PTPRD: variants seen among roughly 807,000 people sequenced by gnomAD.
PTPRD encodes the protein receptor-type tyrosine-protein phosphatase delta.
A neutral mutation model predicts 214.5 loss-of-function variants in PTPRD; 34 were observed. The ratio of observed to expected loss-of-function variants is 0.16; its 90% CI spans 0.12 to 0.21. PTPRD has a LOEUF of 0.21. Ranked by LOEUF, PTPRD falls within the 10% of genes least tolerant of loss-of-function variation. The pLI is 1.00. For synonymous variants in PTPRD, 1,128 were observed against 845.7 expected, an observed-to-expected ratio of 1.33 and a Z score of -5.79; for missense variants, 2,545 against 2,398.7, an observed-to-expected ratio of 1.06 and a Z score of -1.27.
chr9:8,713,910 C>A (rs140015377), intron 12 of PTPRD: 11,459 of 760,606 alleles, frequency 0.015, 121 homozygotes, highest in Non-Finnish European at 0.019. Flanking sequence ...AAAAAAAAAT[C>A]TTTATCCACT....
At chr9:9,275,517 C>G (rs1233383965) in intron 9 of PTPRD, among the ~76,000 whole-genome samples, 1 of 150,946 alleles carries the variant, frequency 6.6e-6, no homozygotes, top group Non-Finnish European at 1.5e-5. Context: ...CCATGTCTGT[C>G]TGTTCTGCAA....
Position 8,975,462 on chromosome 9 carries a change from G to A in PTPRD, c.-104+43235C>T, listed in dbSNP as rs7018708. On this transcript the variant is annotated intron_variant, in intron 11 of 45. Transcript: ENST00000381196. ...TCTCTATGTACATATAATTACAAAA[G>A]GAAGATCTACCTTGTCTATTTAATT... Among the ~76,000 whole-genome samples the A allele has an allele frequency of 7.3e-3, 1,109 of 151,926 alleles. 12 individuals are homozygous for A. Among genetic ancestry groups the A allele is most frequent in the African/African-American group, 0.026 (1,081 of 41,470 alleles).
intron 12 of PTPRD, among the ~76,000 whole-genome samples, chr9:8,695,515 TA>T (rs2097893624): frequency 6.6e-6 from 1 of 151,330 alleles, no homozygotes; most frequent in Non-Finnish European, 1.5e-5. Context: ...TGTCTGTCAA[TA>T]GTCTGTTTAT....
chr9:10,017,742 C>T (rs1431591201), intron 4 of PTPRD, among the ~76,000 whole-genome samples: 2 of 152,072 alleles, frequency 1.3e-5, no homozygotes, highest in East Asian at 1.9e-4. Flanking sequence ...TTCTGTATTA[C>T]TAAACCAATG....
chr9:8,351,745 A>T (rs1365201401), intron 39 of PTPRD, among the ~76,000 whole-genome samples: 52 of 36,144 alleles, frequency 1.4e-3, no homozygotes, highest in African/African-American at 1.7e-3. Flanking sequence ...CAAAGAGTAA[A>T]AAAAAAAAAA....
intron 3 of PTPRD, among the ~76,000 whole-genome samples, chr9:10,118,741 C>A (rs2098750925): frequency 6.6e-6 from 1 of 151,534 alleles, no homozygotes; most frequent in Admixed American, 6.6e-5. Flanking sequence ...TCGTTGGTAT[C>A]TCAACACTAC....
At chr9:8,676,625 G>A (rs1408772950) in intron 12 of PTPRD, among the ~76,000 whole-genome samples, 3 of 152,036 alleles carry the variant, frequency 2.0e-5, no homozygotes, top group Non-Finnish European at 1.5e-5. Flanking sequence ...CCAGGCTGGA[G>A]TGCAATGGCG....
chr9:8,349,442 G>A (rs2074813979), intron 39 of PTPRD, among the ~76,000 whole-genome samples: 1 of 152,054 alleles, frequency 6.6e-6, no homozygotes, highest in Non-Finnish European at 1.5e-5. Flanking sequence ...ATGAAGGATT[G>A]TACTTCTAAA....
At chr9:9,066,618 G>T (rs890468211) in intron 10 of PTPRD, among the ~76,000 whole-genome samples, 3 of 152,208 alleles carry the variant, frequency 2.0e-5, no homozygotes, top group Non-Finnish European at 2.9e-5. Flanking sequence ...GATTATTCTG[G>T]GTTCTTGAGT....
At chr9:9,147,116 C>A (rs551003717) in intron 10 of PTPRD, among the ~76,000 whole-genome samples, 1 of 152,044 alleles carries the variant, frequency 6.6e-6, no homozygotes, top group Non-Finnish European at 1.5e-5. Flanking sequence ...AGGAATGATT[C>A]TTATTTTATA....
intron 6 of PTPRD, among the ~76,000 whole-genome samples, chr9:9,742,916 C>A (rs1338327202): frequency 6.6e-6 from 1 of 152,106 alleles, no homozygotes; most frequent in African/African-American, 2.4e-5. Flanking sequence ...ATAGAGAGAC[C>A]TAAAATCAAT....
intron 3 of PTPRD, among the ~76,000 whole-genome samples, chr9:10,131,975 G>A (rs2098892903): frequency 6.6e-6 from 1 of 152,012 alleles, no homozygotes; most frequent in Non-Finnish European, 1.5e-5. Context: ...CTGTATTCTG[G>A]GTTAGCCTCT....
chr9:10,393,940 C>G (rs912766679), intron 2 of PTPRD, among the ~76,000 whole-genome samples: 1 of 147,574 alleles, frequency 6.8e-6, no homozygotes, highest in East Asian at 2.0e-4. Context: ...TTGCTATATG[C>G]TAGAAAATGC....
At chr9:8,790,451 T>A (rs1485139460) in intron 11 of PTPRD, among the ~76,000 whole-genome samples, 1 of 152,256 alleles carries the variant, frequency 6.6e-6, no homozygotes, top group East Asian at 1.9e-4. Flanking sequence ...GGAGTCTCAC[T>A]CTGTTGCCCA....
chr9:8,393,461 G>A (rs1434941776), intron 36 of PTPRD, among the ~76,000 whole-genome samples: 1 of 152,048 alleles, frequency 6.6e-6, no homozygotes, highest in South Asian at 2.1e-4. Context: ...GTTGGCGAAG[G>A]AGCTATTAAA....
chr9:8,819,971 C>G (rs936184635), intron 11 of PTPRD, among the ~76,000 whole-genome samples: 25 of 151,990 alleles, frequency 1.6e-4, no homozygotes, highest in African/African-American at 5.3e-4. Context: ...GTTGAGTGCC[C>G]TTGTTTCAAC....
At chr9:10,364,004 T>TTTTTTTTTTTTTTTTTTTTTTG (rs2097456807) in intron 2 of PTPRD, among the ~76,000 whole-genome samples, 1 of 130,074 alleles carries the variant, frequency 7.7e-6, no homozygotes, top group Non-Finnish European at 1.6e-5. Context: ...TTTTTTTTTT[T>TTTTTTTTTTTTTTTTTTTTTTG]TTTTTTTTTT....
intron 11 of PTPRD, among the ~76,000 whole-genome samples, chr9:8,877,760 C>A (rs147615733): frequency 6.6e-6 from 1 of 152,278 alleles, no homozygotes; most frequent in Admixed American, 6.5e-5. Context: ...GGCCAATAGA[C>A]AAAGTTACCA....
chr9:10,125,318 G>A (rs182408396), intron 3 of PTPRD, among the ~76,000 whole-genome samples: 73 of 151,824 alleles, frequency 4.8e-4, no homozygotes, highest in Non-Finnish European at 7.9e-4. Flanking sequence ...TAAAGTGGTT[G>A]TGAGGAAGAA....
Sources: allele counts gnomAD v4.1 joint callset (sites outside exome capture counted in the v4.1 genomes callset), GRCh38; gene constraint gnomAD v4.1.1; transcripts MANE v1.5; gene names NCBI Gene and HGNC (gene_info 2026-07-23, HGNC 2026-07-21).